The following DLGAP1 variants were observed in gnomAD, a reference collection of about 807,000 sequenced individuals.
The protein encoded by DLGAP1 is disks large-associated protein 1.
DLGAP1 carries 11 observed loss-of-function variants against 90.8 expected under a neutral mutation model. The observed-to-expected ratio is 0.12, with a 90% CI of 0.08 to 0.20. DLGAP1 has a LOEUF of 0.20. DLGAP1 is among the 10% of genes least tolerant of loss of function. The probability of loss-of-function intolerance (pLI) is 1.00; values close to 1 mark genes in which losing one functional copy is unlikely to be tolerated. For synonymous variants in DLGAP1, 558 were observed against 540.7 expected, an observed-to-expected ratio of 1.03 and a Z score of -0.44; for missense variants, 1,050 against 1,333.8, an observed-to-expected ratio of 0.79 and a Z score of 3.31.
chr18:3,918,419 G>C (rs933961545), intron 3 of DLGAP1, among the ~76,000 whole-genome samples: 11 of 152,144 alleles, frequency 7.2e-5, no homozygotes, highest in African/African-American at 2.7e-4. Flanking sequence ...TAAAAATACT[G>C]TGCTAGACGT....
chr18:4,197,289 GAGAT>G, intron 1 of DLGAP1, among the ~76,000 whole-genome samples: 1 of 150,918 alleles, frequency 6.6e-6, no homozygotes, highest in Admixed American at 6.6e-5. Context: ...AAAAAGTACA[GAGAT>G]AGGAAATATA....
chr18:3,556,494 T>G (rs1419133799), intron 9 of DLGAP1, among the ~76,000 whole-genome samples: 5 of 152,208 alleles, frequency 3.3e-5, no homozygotes. Context: ...TGTCACATAG[T>G]TGGAATCATA....
At chr18:3,707,449 T>C (rs1370273564) in intron 7 of DLGAP1, among the ~76,000 whole-genome samples, 1 of 151,694 alleles carries the variant, frequency 6.6e-6, no homozygotes, top group African/African-American at 2.4e-5. Context: ...AGTACAAAAA[T>C]ATTAGCCAGA....
intron 2 of DLGAP1, among the ~76,000 whole-genome samples, chr18:4,058,052 C>A (rs1206644989): frequency 6.6e-6 from 1 of 152,168 alleles, no homozygotes; most frequent in East Asian, 1.9e-4. Flanking sequence ...CCCTCTGGGA[C>A]AGGAGGCTTA....
At chr18:4,427,922 A>C (rs76626617) in intron 1 of DLGAP1, among the ~76,000 whole-genome samples, 103 of 152,336 alleles carry the variant, frequency 6.8e-4, no homozygotes, top group African/African-American at 2.5e-3. Flanking sequence ...AAATCATTTC[A>C]GAATACAAAG....
chr18:4,380,148 C>T (rs939588151), intron 1 of DLGAP1, among the ~76,000 whole-genome samples: 9 of 152,100 alleles, frequency 5.9e-5, no homozygotes, highest in African/African-American at 2.2e-4. Context: ...ATGAATAGGA[C>T]TTGTAGTTTA....
Position 3,673,487 on chromosome 18 carries a change from T to G in DLGAP1, c.1591+55648A>C, listed in dbSNP as rs148974795. 2.1e-4 allele frequency among the ~76,000 whole-genome samples: 32 copies of G among 152,354 alleles called. No individual in the cohort carries two copies. The East Asian group carries it at 4.1e-3, about 19-fold the overall frequency. ...TACTCATAGCAGAGAGCTATTCTAGTAAACAGCTATTTTAATAACTATTGT... is the reference window on the plus strand; with the variant it reads ...TACTCATAGCAGAGAGCTATTCTAGGAAACAGCTATTTTAATAACTATTGT... On this transcript the variant is annotated intron_variant, in intron 7 of 12. Transcript: ENST00000315677.
intron 1 of DLGAP1, among the ~76,000 whole-genome samples, chr18:4,324,652 CA>C (rs1314137660): frequency 2.4e-4 from 37 of 152,066 alleles, no homozygotes; most frequent in Admixed American, 2.4e-3. Context: ...AGCAGCACAT[CA>C]AAAAGCTAAT....
At chr18:4,241,371 G>A (rs1263530119) in intron 1 of DLGAP1, among the ~76,000 whole-genome samples, 1 of 152,086 alleles carries the variant, frequency 6.6e-6, no homozygotes, top group Non-Finnish European at 1.5e-5. Flanking sequence ...AACACACTTC[G>A]CTTACAGCAT....
At chr18:4,248,530 A>C (rs1167234309) in intron 1 of DLGAP1, 5 of 152,082 alleles carry the variant, frequency 3.3e-5, no homozygotes, top group African/African-American at 1.2e-4. Context: ...TCAATTACTC[A>C]AGGGGGGAAA....
At chr18:4,219,440 C>A (rs2078031271) in intron 1 of DLGAP1, among the ~76,000 whole-genome samples, 1 of 151,940 alleles carries the variant, frequency 6.6e-6, no homozygotes, top group Admixed American at 6.6e-5. Flanking sequence ...TGTTTCTTCA[C>A]ACTACTGTTT....
chr18:3,759,823 C>T (rs2147895357), intron 5 of DLGAP1, among the ~76,000 whole-genome samples: 1 of 152,332 alleles, frequency 6.6e-6, no homozygotes, highest in African/African-American at 2.4e-5. Context: ...CAGAAAGTGG[C>T]TTTAAGTTAC....
At chr18:4,287,777 C>A (rs2079736259) in intron 1 of DLGAP1, among the ~76,000 whole-genome samples, 1 of 151,938 alleles carries the variant, frequency 6.6e-6, no homozygotes, top group Admixed American at 6.6e-5. Context: ...ATGCAGCAAA[C>A]CACCATGGCA....
chr18:3,793,268 G>A (rs2065828955), intron 5 of DLGAP1, among the ~76,000 whole-genome samples: 1 of 152,038 alleles, frequency 6.6e-6, no homozygotes, highest in African/African-American at 2.4e-5. Flanking sequence ...CACCCTGCCA[G>A]CCCTGCCCTC....
intron 1 of DLGAP1, among the ~76,000 whole-genome samples, chr18:4,180,490 C>T (rs1172044087): frequency 6.6e-6 from 1 of 152,148 alleles, no homozygotes; most frequent in Non-Finnish European, 1.5e-5. Context: ...AGAGCCAATA[C>T]CATCATCACC....
At position 3,733,928 on chromosome 18, in the gene DLGAP1, T is replaced by C. The variant is rs145623582; in HGVS notation, c.1351-4553A>G. Among the ~76,000 whole-genome samples the C allele has an allele frequency of 1.0e-3, 155 of 152,332 alleles. 1 individual carries two copies. In the East Asian group the frequency reaches 0.028, roughly 28 times the overall value. ...TTTCATTTTGTTAAGTAAGTTGTTCTTTCTGTCCAGAAATCCAAAGTGTTT... is the reference window on the plus strand; with the variant it reads ...TTTCATTTTGTTAAGTAAGTTGTTCCTTCTGTCCAGAAATCCAAAGTGTTT... On this transcript the variant is annotated intron_variant, in intron 6 of 12. Transcript: ENST00000315677.
intron 1 of DLGAP1, among the ~76,000 whole-genome samples, chr18:4,360,657 A>G (rs1024486429): frequency 6.6e-6 from 1 of 152,146 alleles, no homozygotes; most frequent in African/African-American, 2.4e-5. Context: ...GGAACAGAGA[A>G]TGTTGATGGA....
intron 7 of DLGAP1, among the ~76,000 whole-genome samples, chr18:3,635,161 C>T (rs867689504): frequency 2.3e-4 from 34 of 148,830 alleles, no homozygotes; most frequent in South Asian, 1.7e-3. Flanking sequence ...GAGGGAGTCT[C>T]GCTCTTTCAC....
chr18:4,024,061 A>G (rs1169733286), intron 2 of DLGAP1, among the ~76,000 whole-genome samples: 1 of 152,178 alleles, frequency 6.6e-6, no homozygotes, highest in Non-Finnish European at 1.5e-5. Context: ...TATTATTTCA[A>G]AAGCTTTGAA....
Sources: gnomAD v4.1 joint callset for allele counts (sites outside exome capture counted in the v4.1 genomes callset) on GRCh38, gnomAD v4.1.1 for gene constraint, MANE v1.5 for transcripts, NCBI Gene and HGNC (gene_info 2026-07-23, HGNC 2026-07-21) for gene names.